PIP5K1B: variants seen among roughly 807,000 people sequenced by gnomAD.
The protein encoded by PIP5K1B is phosphatidylinositol 4-phosphate 5-kinase type-1 beta.
PIP5K1B carries 42 observed loss-of-function variants against 67.0 expected under a neutral mutation model. That is an observed-to-expected ratio of 0.63 (90% CI 0.49 to 0.81). The LOEUF is 0.81. Among genes scored for constraint, PIP5K1B ranks in the 30% least tolerant of loss-of-function variants. The pLI, the probability that PIP5K1B is intolerant of heterozygous loss-of-function variation, is 0.00. For synonymous variants in PIP5K1B, 214 were observed against 231.4 expected, an observed-to-expected ratio of 0.92 and a Z score of 0.68; for missense variants, 459 against 646.3, an observed-to-expected ratio of 0.71 and a Z score of 3.14.
chr9:68,884,356 CAAA>C (rs538756433), intron 6 of PIP5K1B, among the ~76,000 whole-genome samples: 4 of 120,644 alleles, frequency 3.3e-5, no homozygotes, highest in Admixed American at 8.7e-5. Context: ...ATACATTCCT[CAAA>C]AAAAAAAAAA....
chr9:68,829,078 G>C (rs1407638591), intron 4 of PIP5K1B, among the ~76,000 whole-genome samples: 6 of 152,184 alleles, frequency 3.9e-5, no homozygotes, highest in Non-Finnish European at 7.3e-5. Flanking sequence ...CTCCAGCCTG[G>C]GCGACAGAGC....
chr9:68,837,954 T>A (rs1029130803), intron 4 of PIP5K1B, among the ~76,000 whole-genome samples: 2 of 152,062 alleles, frequency 1.3e-5, no homozygotes, highest in Non-Finnish European at 2.9e-5. Context: ...TTTATGTATT[T>A]ATTGTCTTTT....
intron 1 of PIP5K1B, among the ~76,000 whole-genome samples, chr9:68,723,160 C>CTG (rs35701836): frequency 0.013 from 2,000 of 150,792 alleles, 47 homozygotes; most frequent in African/African-American, 0.044. Flanking sequence ...TAATATTCCT[C>CTG]TGTGTGTGTG....
chr9:68,740,348 T>G (rs558337868), intron 1 of PIP5K1B, among the ~76,000 whole-genome samples: 130 of 152,352 alleles, frequency 8.5e-4, no homozygotes, highest in Admixed American at 2.8e-3. Context: ...TACATGTTTT[T>G]GGGCTGACTA....
chr9:68,870,365 G>T (rs1823571795), intron 5 of PIP5K1B, among the ~76,000 whole-genome samples: 1 of 152,184 alleles, frequency 6.6e-6, no homozygotes, highest in Non-Finnish European at 1.5e-5. Context: ...TGCAGTTCAT[G>T]TGTACCCATC....
At chr9:68,861,869 A>G (rs1823093053) in intron 4 of PIP5K1B, among the ~76,000 whole-genome samples, 2 of 151,834 alleles carry the variant, frequency 1.3e-5, no homozygotes, top group Non-Finnish European at 2.9e-5. Context: ...GAGCATTAAA[A>G]TAGCAGGGGG....
intron 14 of PIP5K1B, among the ~76,000 whole-genome samples, chr9:68,983,988 A>G (rs1487363262): frequency 4.6e-5 from 7 of 152,174 alleles, no homozygotes. Flanking sequence ...TCAGGAGTCC[A>G]AGGCTGCAGC....
chr9:68,872,612 G>T (rs1823682983), intron 5 of PIP5K1B, among the ~76,000 whole-genome samples: 1 of 152,106 alleles, frequency 6.6e-6, no homozygotes, highest in South Asian at 2.1e-4. Context: ...TTTTGTCCCT[G>T]TGCCTTTTTT....
intron 14 of PIP5K1B, among the ~76,000 whole-genome samples, chr9:68,957,349 C>G (rs537702004): frequency 6.6e-6 from 1 of 152,108 alleles, no homozygotes; most frequent in Non-Finnish European, 1.5e-5. Flanking sequence ...AGAAGTGGAT[C>G]GCATGACTCT....
intron 1 of PIP5K1B, among the ~76,000 whole-genome samples, chr9:68,714,795 A>C (rs1183065981): frequency 6.6e-6 from 1 of 152,208 alleles, no homozygotes; most frequent in Non-Finnish European, 1.5e-5. Context: ...AACAGGATGG[A>C]AACTCCAGTG....
chr9:68,918,451 G>A (rs7859638), intron 9 of PIP5K1B, among the ~76,000 whole-genome samples: 131,612 of 152,172 alleles, frequency 0.86, 57,991 homozygotes, highest in Non-Finnish European at 0.95. Context: ...AGAGCTTTTT[G>A]TCTGCCTAAG....
At chr9:68,802,835 G>C (rs1013562479) in intron 2 of PIP5K1B, among the ~76,000 whole-genome samples, 1 of 152,188 alleles carries the variant, frequency 6.6e-6, no homozygotes, top group African/African-American at 2.4e-5. Context: ...GAGGTCATAC[G>C]CTGTGCCAAA....
chr9:68,836,678 T>C (rs576323698), intron 4 of PIP5K1B, among the ~76,000 whole-genome samples: 2 of 148,948 alleles, frequency 1.3e-5, no homozygotes, highest in African/African-American at 4.9e-5. Context: ...ATTTTTTTTG[T>C]TTTTTTTTAT....
intron 4 of PIP5K1B, among the ~76,000 whole-genome samples, chr9:68,836,423 C>G (rs1366488759): frequency 6.6e-6 from 1 of 152,096 alleles, no homozygotes; most frequent in African/African-American, 2.4e-5. Context: ...ATGGAGTCTT[C>G]TGAGATTCTG....
chr9:68,710,964 A>T (rs938729497), intron 1 of PIP5K1B, among the ~76,000 whole-genome samples: 1 of 152,206 alleles, frequency 6.6e-6, no homozygotes, highest in Non-Finnish European at 1.5e-5. Flanking sequence ...ATGGGTGTGT[A>T]TGTCTTTCAG....
intron 1 of PIP5K1B, among the ~76,000 whole-genome samples, chr9:68,721,516 CATATGGT>C (rs1161120574): frequency 6.6e-5 from 10 of 152,060 alleles, no homozygotes; most frequent in Admixed American, 6.5e-4. Context: ...AGGCATCGTA[CATATGGT>C]AGCAGAGGCA....
At chr9:68,799,149 G>A (rs754791942) in intron 2 of PIP5K1B, among the ~76,000 whole-genome samples, 1 of 152,162 alleles carries the variant, frequency 6.6e-6, no homozygotes, top group Non-Finnish European at 1.5e-5. Context: ...TCAAAGCTAG[G>A]GAAATCTGGA....
intron 11 of PIP5K1B, among the ~76,000 whole-genome samples, chr9:68,920,792 A>G (rs1472945807): frequency 7.3e-6 from 1 of 136,868 alleles, no homozygotes; most frequent in Non-Finnish European, 1.6e-5. Context: ...TCTCACACAC[A>G]TACACACACA....
At chr9:68,749,746 G>T (rs1210398251) in intron 2 of PIP5K1B, among the ~76,000 whole-genome samples, 1 of 152,112 alleles carries the variant, frequency 6.6e-6, no homozygotes, top group Non-Finnish European at 1.5e-5. Context: ...TTTGTTGTGG[G>T]GCGGTCCTCT....
Sources: allele counts gnomAD v4.1 joint callset (sites outside exome capture counted in the v4.1 genomes callset), GRCh38; gene constraint gnomAD v4.1.1; transcripts MANE v1.5; gene names NCBI Gene and HGNC (gene_info 2026-07-23, HGNC 2026-07-21).